FARS2: variants seen among roughly 807,000 people sequenced by gnomAD.
FARS2 encodes phenylalanyl-tRNA synthetase 2, mitochondrial, also known as phenylalanine--tRNA ligase, mitochondrial.
Under a neutral mutation model 46.4 loss-of-function variants are expected in FARS2, and 40 were observed. That is an observed-to-expected ratio of 0.86 (90% CI 0.67 to 1.12). The LOEUF (loss-of-function observed/expected upper bound fraction) is 1.12, where lower values mean the gene tolerates loss of function less well. Ranked by LOEUF, FARS2 falls within the 50% of genes most tolerant of loss-of-function variation. The pLI is 0.00. For synonymous variants in FARS2, 234 were observed against 214.9 expected, an observed-to-expected ratio of 1.09 and a Z score of -0.78; for missense variants, 513 against 567.9, an observed-to-expected ratio of 0.90 and a Z score of 0.98.
intron 3 of FARS2, among the ~76,000 whole-genome samples, chr6:5,411,500 G>A (rs893212609): frequency 7.2e-5 from 11 of 152,276 alleles, no homozygotes; most frequent in South Asian, 4.1e-4. Context: ...AATTAGTGAT[G>A]AATGGGAACT....
chr6:5,711,843 A>G (rs1759191033), intron 6 of FARS2, among the ~76,000 whole-genome samples: 1 of 152,184 alleles, frequency 6.6e-6, no homozygotes, highest in African/African-American at 2.4e-5. Context: ...GAATCTGAAT[A>G]AAGCGTGGAT....
chr6:5,665,659 C>T (rs1241935600), intron 6 of FARS2, among the ~76,000 whole-genome samples: 2 of 152,098 alleles, frequency 1.3e-5, no homozygotes, highest in South Asian at 2.1e-4. Context: ...GAGAGAAGGA[C>T]GTTCTAAACA....
chr6:5,526,352 T>C (rs1171339449), intron 4 of FARS2, among the ~76,000 whole-genome samples: 2 of 152,236 alleles, frequency 1.3e-5, no homozygotes, highest in African/African-American at 4.8e-5. Context: ...TATCTACTGC[T>C]TAAAACAACT....
At chr6:5,663,213 C>T (rs573914826) in intron 6 of FARS2, among the ~76,000 whole-genome samples, 45 of 152,266 alleles carry the variant, frequency 3.0e-4, no homozygotes, top group Admixed American at 6.5e-4. Flanking sequence ...GTAGCCACTC[C>T]CTTTGCATTA....
chr6:5,606,881 A>G (rs1774868304), intron 5 of FARS2, among the ~76,000 whole-genome samples: 1 of 152,160 alleles, frequency 6.6e-6, no homozygotes, highest in Admixed American at 6.5e-5. Flanking sequence ...AGGGGCTATT[A>G]GTAAACCTGC....
At chr6:5,450,835 GA>G (rs1339043402) in intron 4 of FARS2, among the ~76,000 whole-genome samples, 2 of 152,000 alleles carry the variant, frequency 1.3e-5, no homozygotes, top group African/African-American at 4.8e-5. Flanking sequence ...GCCCTGCTTG[GA>G]ATCCCTGGAT....
intron 2 of FARS2, among the ~76,000 whole-genome samples, chr6:5,374,023 T>C (rs1035504810): frequency 1.3e-5 from 2 of 152,148 alleles, no homozygotes; most frequent in African/African-American, 4.8e-5. Flanking sequence ...ATAAATGGTA[T>C]TGTATTTTTA....
At chr6:5,366,659 G>A (rs750480750) in intron 1 of FARS2, among the ~76,000 whole-genome samples, 9 of 152,162 alleles carry the variant, frequency 5.9e-5, no homozygotes, top group Non-Finnish European at 1.2e-4. Context: ...CCAAGTGTGG[G>A]TTTGGATGTG....
intron 4 of FARS2, among the ~76,000 whole-genome samples, chr6:5,536,715 T>C (rs1207517163): frequency 2.0e-5 from 3 of 152,208 alleles, no homozygotes; most frequent in African/African-American, 7.2e-5. Flanking sequence ...TTACTCTGTC[T>C]CCAAAAGGTT....
chr6:5,539,384 G>GTGTGTA lies in FARS2; in HGVS notation c.905-5795_905-5794insGTGTAT. Among the ~76,000 whole-genome samples, 59 of 79,526 alleles carry GTGTGTA rather than the reference G, an allele frequency of 7.4e-4. 1 individual carries two copies. The highest frequency in any genetic ancestry group is 1.1e-3 in the Non-Finnish European group (40 of 36,130). The allele number at this position is 79,526 out of a possible 152,430, so 52.2% of individuals were successfully genotyped here. On this transcript the variant is annotated intron_variant, in intron 4 of 6. Transcript: ENST00000274680. ...ACCATGCCCACCTAATTTTTTTTGT[G>GTGTGTA]TATATATATATATATGTATATATTT...
intron 6 of FARS2, among the ~76,000 whole-genome samples, chr6:5,743,888 C>T (rs897179596): frequency 1.3e-5 from 2 of 152,242 alleles, no homozygotes; most frequent in African/African-American, 4.8e-5. Flanking sequence ...ATAGTTTCCA[C>T]TCATTGAGTG....
chr6:5,687,609 G>T (rs1212582081), intron 6 of FARS2, among the ~76,000 whole-genome samples: 1 of 152,234 alleles, frequency 6.6e-6, no homozygotes, highest in Non-Finnish European at 1.5e-5. Flanking sequence ...TAGCCTTGCA[G>T]TATAGTTTGA....
intron 1 of FARS2, among the ~76,000 whole-genome samples, chr6:5,312,781 G>A (rs1408166877): frequency 1.3e-5 from 2 of 152,222 alleles, no homozygotes; most frequent in African/African-American, 2.4e-5. Flanking sequence ...GCAAGTGCTG[G>A]AGGCACAGTG....
chr6:5,575,651 T>C (rs1772916917), intron 5 of FARS2, among the ~76,000 whole-genome samples: 1 of 152,218 alleles, frequency 6.6e-6, no homozygotes, highest in Non-Finnish European at 1.5e-5. Flanking sequence ...TGGTCCAGGA[T>C]TCAATACAAT....
intron 6 of FARS2, among the ~76,000 whole-genome samples, chr6:5,662,229 A>G (rs945932061): frequency 2.0e-5 from 3 of 152,110 alleles, no homozygotes; most frequent in Admixed American, 2.0e-4. Flanking sequence ...ATTACAAACT[A>G]TTCTATTCAT....
intron 2 of FARS2, among the ~76,000 whole-genome samples, chr6:5,398,542 AT>A (rs1761040456): frequency 6.6e-6 from 1 of 152,196 alleles, no homozygotes. Flanking sequence ...CAGCCCTGGA[AT>A]CAGTCATTTC....
intron 6 of FARS2, among the ~76,000 whole-genome samples, chr6:5,671,580 G>T (rs1412193163): frequency 6.6e-6 from 1 of 152,122 alleles, no homozygotes; most frequent in African/African-American, 2.4e-5. Context: ...CAACACTGTC[G>T]GGCCAGTCTG....
intron 4 of FARS2, among the ~76,000 whole-genome samples, chr6:5,491,851 C>T (rs78315198): frequency 0.015 from 2,303 of 152,252 alleles, 64 homozygotes; most frequent in African/African-American, 0.052. Context: ...CCATGAAAAT[C>T]ATATCCAGTC....
chr6:5,479,302 T>C (rs1038957344), intron 4 of FARS2, among the ~76,000 whole-genome samples: 2 of 152,258 alleles, frequency 1.3e-5, no homozygotes, highest in African/African-American at 4.8e-5. Context: ...CATTGTTAGA[T>C]TCTACTCATT....
Sources: allele counts gnomAD v4.1 joint callset (sites outside exome capture counted in the v4.1 genomes callset), GRCh38; gene constraint gnomAD v4.1.1; transcripts MANE v1.5; gene names NCBI Gene and HGNC (gene_info 2026-07-23, HGNC 2026-07-21).